SLCO3A1: variants seen among roughly 807,000 people sequenced by gnomAD.
The protein encoded by SLCO3A1 is solute carrier organic anion transporter family member 3A1, also known as PGE1 transporter.
SLCO3A1 carries 27 observed loss-of-function variants against 63.1 expected under a neutral mutation model. That is an observed-to-expected ratio of 0.43 (90% CI 0.32 to 0.59). SLCO3A1 has a LOEUF of 0.59. Among genes scored for constraint, SLCO3A1 ranks in the 20% least tolerant of loss-of-function variants. The probability of loss-of-function intolerance (pLI) is 0.09; values close to 1 mark genes in which losing one functional copy is unlikely to be tolerated. For synonymous variants in SLCO3A1, 473 were observed against 409.9 expected (o/e 1.15, Z -1.86); for missense variants, 773 against 945.8 (o/e 0.82, Z 2.40).
chr15:91,857,287 T>G (rs974258841), intron 1 of SLCO3A1, among the ~76,000 whole-genome samples: 5 of 152,104 alleles, frequency 3.3e-5, no homozygotes, highest in Admixed American at 6.5e-5. Flanking sequence ...GACTCAGTGA[T>G]CTAGATAAAG....
At chr15:92,006,081 G>A (rs1021283918) in intron 2 of SLCO3A1, among the ~76,000 whole-genome samples, 2 of 152,074 alleles carry the variant, frequency 1.3e-5, no homozygotes, top group Non-Finnish European at 2.9e-5. Flanking sequence ...ATGCTTGGGC[G>A]TGCTGTTAGG....
intron 1 of SLCO3A1, among the ~76,000 whole-genome samples, chr15:91,861,518 G>C (rs899095596): frequency 3.3e-5 from 5 of 152,346 alleles, no homozygotes; most frequent in African/African-American, 7.2e-5. Context: ...ACACGGAATA[G>C]TTGGTCATTA....
Position 92,104,538 on chromosome 15 carries a change from G to A in SLCO3A1, c.1005G>A (p.Leu335=). ...PDSSASCFQQ[L]RVIPKVTKHL... is the part of the protein sequence containing the mutation. ...GCAGTGCCTCCTGTTTCCAGCAGCT[G>A]AGAGGTAAAGGTGGCCTCATCTGCC... is the stretch of plus-strand genomic sequence containing the variant. Residue 335 remains leucine (L), a synonymous_variant, in exon 4 of 10, where the codon CTG becomes CTA. Coordinates refer to ENST00000318445, the MANE Select transcript of SLCO3A1 (RefSeq NM_013272.4). The A allele has an allele frequency of 6.2e-7, 1 of 1,612,716 alleles. No homozygotes were observed. The highest frequency in any genetic ancestry group is 8.5e-7 in the Non-Finnish European group (1 of 1,179,904).
chr15:92,017,291 G>GGT (rs879905883), intron 2 of SLCO3A1, among the ~76,000 whole-genome samples: 1 of 152,060 alleles, frequency 6.6e-6, no homozygotes, highest in Non-Finnish European at 1.5e-5. Flanking sequence ...GGATTGGGGG[G>GGT]GGGTAGGGAA....
At chr15:92,112,786 C>G (rs997990341) in intron 4 of SLCO3A1, among the ~76,000 whole-genome samples, 2 of 152,200 alleles carry the variant, frequency 1.3e-5, no homozygotes, top group African/African-American at 4.8e-5. Flanking sequence ...AGAAGGGCTG[C>G]TGTAAACTCA....
rs778824195 is a variant in SLCO3A1, at chr15:92,018,902, C to T, written c.647-75979C>T. The stretch of plus-strand genomic sequence containing the variant: ...ATAATGTGACTGCAGCATCTGATGC[C>T]GCTACCATCACTCCCCTGGTGCTGG... On this transcript the variant is annotated intron_variant, in intron 2 of 9. Coordinates refer to ENST00000318445, the MANE Select transcript of SLCO3A1 (RefSeq NM_013272.4). Among the ~76,000 whole-genome samples the T allele has an allele frequency of 4.6e-5, 7 of 152,134 alleles. No homozygotes were observed. The South Asian group carries it at 6.2e-4, about 14-fold the overall frequency.
At position 92,164,793 on chromosome 15, in the gene SLCO3A1, C is replaced by G; in HGVS notation, c.*1658C>G. The G allele has an allele frequency of 1.0e-6, 1 of 985,372 alleles. No individual in the cohort carries two copies. Among genetic ancestry groups the G allele is most frequent in the Non-Finnish European group, 1.2e-6 (1 of 829,946 alleles). The allele number at this position is 985,372 out of a possible 1,614,324, so 61.0% of individuals were successfully genotyped here. A position where few individuals can be genotyped will look rare whatever the true frequency, so the allele number is the denominator to read the frequency against. On this transcript the variant is annotated 3_prime_UTR_variant, in exon 10 of 10. Coordinates refer to ENST00000318445, the MANE Select transcript of SLCO3A1 (RefSeq NM_013272.4). ...TTGGGGTAAGAATCACGTTGGAAAA[C>G]CTCTCGCAACCAGCACACTAGGCCT...
chr15:92,078,386 A>G (rs532647903), intron 2 of SLCO3A1, among the ~76,000 whole-genome samples: 2 of 152,316 alleles, frequency 1.3e-5, no homozygotes, highest in South Asian at 2.1e-4. Flanking sequence ...CTGAGGCCAC[A>G]TAGCCTGAGC....
chr15:91,993,492 T>TG (rs2046152578), intron 2 of SLCO3A1, among the ~76,000 whole-genome samples: 1 of 152,236 alleles, frequency 6.6e-6, no homozygotes, highest in Non-Finnish European at 1.5e-5. Flanking sequence ...GAGAGCCAAA[T>TG]GGAACTTGGT....
chr15:91,936,818 A>T (rs1899429279), intron 2 of SLCO3A1, among the ~76,000 whole-genome samples: 1 of 152,012 alleles, frequency 6.6e-6, no homozygotes, highest in Non-Finnish European at 1.5e-5. Flanking sequence ...TATTTCCTCC[A>T]TTGCTTTAGC....
Position 91,853,802 on chromosome 15 carries a change from G to C in SLCO3A1, c.-107G>C. On this transcript the variant is annotated 5_prime_UTR_variant, in exon 1 of 10. Transcript: ENST00000318445. ...GCGGCCGCCGCGAACCCGGGGCGGG[G>C]ACAGCACGCAGCCTCGAGGCGCGCA... 1 of 1,065,960 alleles carries C rather than the reference G, an allele frequency of 9.4e-7. No individual in the cohort carries two copies. Among genetic ancestry groups the C allele is most frequent in the Middle Eastern group, 4.1e-4 (1 of 2,468 alleles). The allele number at this position is 1,065,960 out of a possible 1,614,324, so 66.0% of individuals were successfully genotyped here.
chr15:91,961,200 G>C (rs1900433151), intron 2 of SLCO3A1, among the ~76,000 whole-genome samples: 1 of 152,204 alleles, frequency 6.6e-6, no homozygotes, highest in African/African-American at 2.4e-5. Context: ...TATTATCCCA[G>C]TAGAATTATG....
intron 2 of SLCO3A1, among the ~76,000 whole-genome samples, chr15:91,994,174 C>G (rs2046161967): frequency 6.6e-6 from 1 of 152,202 alleles, no homozygotes; most frequent in African/African-American, 2.4e-5. Flanking sequence ...AATACATAGT[C>G]TTTATGTGTG....
At chr15:91,857,073 A>T (rs868262863) in intron 1 of SLCO3A1, among the ~76,000 whole-genome samples, 21 of 145,178 alleles carry the variant, frequency 1.4e-4, no homozygotes, top group South Asian at 4.8e-4. Context: ...TGTGTGTGAG[A>T]GAGAGAGAGA....
intron 2 of SLCO3A1, among the ~76,000 whole-genome samples, chr15:91,934,652 A>G (rs1453255203): frequency 6.6e-6 from 1 of 152,208 alleles, no homozygotes; most frequent in Admixed American, 6.5e-5. Flanking sequence ...TTGCAAATCT[A>G]TGGGTTTTCT....
chr15:91,955,272 A>G (rs1398421392), intron 2 of SLCO3A1, among the ~76,000 whole-genome samples: 1 of 152,122 alleles, frequency 6.6e-6, no homozygotes, highest in Admixed American at 6.6e-5. Flanking sequence ...CCAGGCCAAC[A>G]GGCTTCCATC....
At chr15:91,855,050 T>C (rs1896880638) in intron 1 of SLCO3A1, among the ~76,000 whole-genome samples, 1 of 152,166 alleles carries the variant, frequency 6.6e-6, no homozygotes, top group African/African-American at 2.4e-5. Context: ...GAGTTTATAG[T>C]GTTAAATCAT....
At chr15:92,016,271 TA>T (rs2046435588) in intron 2 of SLCO3A1, among the ~76,000 whole-genome samples, 1 of 132,974 alleles carries the variant, frequency 7.5e-6, no homozygotes, top group African/African-American at 2.8e-5. Context: ...GATAGATAGA[TA>T]GATAGATAGA....
At chr15:91,858,341 T>G (rs1421718523) in intron 1 of SLCO3A1, among the ~76,000 whole-genome samples, 2 of 152,222 alleles carry the variant, frequency 1.3e-5, no homozygotes, top group African/African-American at 4.8e-5. Context: ...ATTTCCATAA[T>G]TACTATGTAG....
Sources: gnomAD v4.1 joint callset for allele counts (sites outside exome capture counted in the v4.1 genomes callset) on GRCh38, gnomAD v4.1.1 for gene constraint, MANE v1.5 for transcripts, NCBI Gene and HGNC (gene_info 2026-07-23, HGNC 2026-07-21) for gene names.